The following STK32B variants were observed in gnomAD, a reference collection of about 807,000 sequenced individuals.
STK32B encodes the protein serine/threonine-protein kinase 32B.
A neutral mutation model predicts 52.6 loss-of-function variants in STK32B; 43 were observed. The ratio of observed to expected loss-of-function variants is 0.82; its 90% CI spans 0.64 to 1.05. STK32B has a LOEUF of 1.05. Among genes scored for constraint, STK32B ranks in the 50% least tolerant of loss-of-function variants. STK32B has a pLI of 0.00. For missense variants in STK32B, 621 were observed against 534.6 expected (o/e 1.16, Z -1.59); for synonymous variants, 238 against 204.3 (o/e 1.17, Z -1.41).
intron 3 of STK32B, among the ~76,000 whole-genome samples, chr4:5,246,367 G>C (rs763397590): frequency 6.6e-6 from 1 of 152,122 alleles, no homozygotes; most frequent in Non-Finnish European, 1.5e-5. Context: ...GATCGCATTG[G>C]TTACTGAGGC....
intron 4 of STK32B, among the ~76,000 whole-genome samples, chr4:5,372,165 C>T (rs1483248961): frequency 2.0e-5 from 3 of 152,200 alleles, no homozygotes; most frequent in Non-Finnish European, 4.4e-5. Context: ...GAAGGGCTTA[C>T]ATGTGAGAAA....
At chr4:5,483,620 C>T (rs1718906108) in intron 11 of STK32B, among the ~76,000 whole-genome samples, 1 of 151,924 alleles carries the variant, frequency 6.6e-6, no homozygotes, top group South Asian at 2.1e-4. Flanking sequence ...TATTTCTTGC[C>T]TTCTGCTAGC....
chr4:5,049,946 C>T (rs1741698599), upstream of STK32B, among the ~76,000 whole-genome samples: 1 of 152,174 alleles, frequency 6.6e-6, no homozygotes. Flanking sequence ...CTCTTATTAG[C>T]ACCTTCTGGA....
chr4:5,371,392 A>T (rs1735232034), intron 4 of STK32B, among the ~76,000 whole-genome samples: 3 of 152,168 alleles, frequency 2.0e-5, no homozygotes, highest in Admixed American at 1.3e-4. Flanking sequence ...TGCTAAAGTG[A>T]CTTAGCAGGA....
intron 11 of STK32B, among the ~76,000 whole-genome samples, chr4:5,483,910 C>A (rs1560452163): frequency 6.6e-6 from 1 of 152,126 alleles, no homozygotes; most frequent in Non-Finnish European, 1.5e-5. Context: ...GAGTGAGTTT[C>A]TTAATTCTGA....
At chr4:5,208,702 C>T (rs375352671) in intron 3 of STK32B, among the ~76,000 whole-genome samples, 12 of 152,182 alleles carry the variant, frequency 7.9e-5, no homozygotes, top group Admixed American at 3.3e-4. Context: ...CTGATAAACA[C>T]GGTAGTCTCG....
At chr4:5,257,602 C>T (rs1726413914) in intron 3 of STK32B, among the ~76,000 whole-genome samples, 2 of 152,208 alleles carry the variant, frequency 1.3e-5, no homozygotes, top group African/African-American at 4.8e-5. Context: ...CATATCACAT[C>T]ACGCTTCTGC....
At chr4:5,116,180 G>T (rs532814227) in intron 1 of STK32B, among the ~76,000 whole-genome samples, 2 of 148,822 alleles carry the variant, frequency 1.3e-5, no homozygotes, top group African/African-American at 5.2e-5. Flanking sequence ...GTGTGTGCAT[G>T]CACGCACACA....
At chr4:5,156,047 AAC>A (rs1365373932) in intron 2 of STK32B, among the ~76,000 whole-genome samples, 3 of 151,912 alleles carry the variant, frequency 2.0e-5, no homozygotes, top group African/African-American at 7.3e-5. Flanking sequence ...TCCACCACAA[AAC>A]ACATACAGTA....
At chr4:5,369,826 G>C (rs1431230832) in intron 4 of STK32B, among the ~76,000 whole-genome samples, 1 of 152,092 alleles carries the variant, frequency 6.6e-6, no homozygotes, top group Non-Finnish European at 1.5e-5. Context: ...CCAGATACAG[G>C]CTAAGAGTAA....
intron 1 of STK32B, among the ~76,000 whole-genome samples, chr4:5,076,116 A>T (rs969405525): frequency 6.6e-6 from 1 of 152,098 alleles, no homozygotes; most frequent in Non-Finnish European, 1.5e-5. Context: ...TATCATGTCT[A>T]TTACCATTTC....
intron 6 of STK32B, among the ~76,000 whole-genome samples, chr4:5,439,655 G>C (rs150822575): frequency 0.011 from 1,737 of 152,246 alleles, 27 homozygotes; most frequent in African/African-American, 0.039. Context: ...TGCTTTTGCT[G>C]TTTTAGACAT....
At chr4:5,490,946 G>C (rs1719679959) in intron 11 of STK32B, among the ~76,000 whole-genome samples, 1 of 152,154 alleles carries the variant, frequency 6.6e-6, no homozygotes, top group African/African-American at 2.4e-5. Context: ...GTGTATATGT[G>C]ACACATTTTC....
chr4:5,096,219 C>T (rs1328560288), intron 1 of STK32B, among the ~76,000 whole-genome samples: 1 of 152,174 alleles, frequency 6.6e-6, no homozygotes, highest in Non-Finnish European at 1.5e-5. Flanking sequence ...TGGGTTTACC[C>T]TAAAATATCC....
At chr4:5,358,970 G>A (rs1374448714) in intron 4 of STK32B, among the ~76,000 whole-genome samples, 2 of 152,190 alleles carry the variant, frequency 1.3e-5, no homozygotes, top group African/African-American at 4.8e-5. Context: ...GGTACAGATG[G>A]TGGAGAACAT....
chr4:5,148,917 A>G (rs959866963), intron 2 of STK32B, among the ~76,000 whole-genome samples: 2 of 151,832 alleles, frequency 1.3e-5, no homozygotes, highest in Non-Finnish European at 3.0e-5. Context: ...AGATGCATAC[A>G]TATTTATGAT....
chr4:5,493,483 G>A (rs1408994191), intron 11 of STK32B, among the ~76,000 whole-genome samples: 1 of 151,982 alleles, frequency 6.6e-6, no homozygotes, highest in African/African-American at 2.4e-5. Context: ...TTCTTTATTA[G>A]TCTTCCTAGC....
chr4:5,283,593 C>T (rs1728348879), intron 3 of STK32B, among the ~76,000 whole-genome samples: 1 of 152,030 alleles, frequency 6.6e-6, no homozygotes, highest in African/African-American at 2.4e-5. Context: ...AGCAGCAGGT[C>T]ATAAGAAACA....
At chr4:5,230,656 A>G (rs941202827) in intron 3 of STK32B, among the ~76,000 whole-genome samples, 2 of 152,204 alleles carry the variant, frequency 1.3e-5, no homozygotes, top group South Asian at 4.1e-4. Flanking sequence ...CAAAAGCCAC[A>G]TTTTGAGTGC....
Sources: allele counts gnomAD v4.1 joint callset (sites outside exome capture counted in the v4.1 genomes callset), GRCh38; gene constraint gnomAD v4.1.1; transcripts MANE v1.5; gene names NCBI Gene and HGNC (gene_info 2026-07-23, HGNC 2026-07-21).